The following TRPC7 variants were observed in gnomAD, a reference collection of about 807,000 sequenced individuals.
The protein encoded by TRPC7 is short transient receptor potential channel 7.
In TRPC7, 42 loss-of-function variants were observed where a neutral mutation model predicts 90.1. The ratio of observed to expected loss-of-function variants is 0.47; its 90% CI spans 0.36 to 0.60. The LOEUF is 0.60. Among genes scored for constraint, TRPC7 ranks in the 20% least tolerant of loss-of-function variants. The probability of loss-of-function intolerance (pLI) is 0.00; values close to 1 mark genes in which losing one functional copy is unlikely to be tolerated. For missense variants in TRPC7, 955 were observed against 1,112.3 expected, an observed-to-expected ratio of 0.86 and a Z score of 2.01; for synonymous variants, 451 against 436.3, an observed-to-expected ratio of 1.03 and a Z score of -0.42.
chr5:136,307,234 C>G (rs1758668088), intron 3 of TRPC7, among the ~76,000 whole-genome samples: 4 of 152,052 alleles, frequency 2.6e-5, no homozygotes, highest in Non-Finnish European at 5.9e-5. Flanking sequence ...ATCTCAAAAT[C>G]TATTCCTTCT....
chr5:136,274,709 A>T lies in TRPC7; in HGVS notation c.1092T>A (p.Phe364Leu), dbSNP rs371033656. 2.5e-6 allele frequency: 4 copies of T among 1,613,476 alleles called. No individual in the cohort carries two copies. In the African/African-American group the frequency reaches 5.3e-5, roughly 22 times the overall value. ...GAGCAATCCAATAGGCTATGGCGAG[A>T]AAAGGGAGGCCTATGGAGACTCCAA... The part of the protein sequence containing the change: ...AVFGVSIGLP[F>L]LAIAYWIAPC... Residue 364 changes from phenylalanine to leucine, a missense_variant, in exon 4 of 12, where the codon TTT (phenylalanine) becomes TTA (leucine). Transcript: ENST00000513104.
chr5:136,357,077 G>A lies in TRPC7; in HGVS notation c.311C>T (p.Ala104Val). The change falls in exon 2 of 12, where the codon GCA (alanine) becomes GTA (valine). Residue 104 changes from alanine to valine, a missense_variant. Coordinates refer to ENST00000513104, the MANE Select transcript of TRPC7 (RefSeq NM_020389.3). ...TELLLKKENLARVGDALLLAI... is the reference protein window; with the variant it reads ...TELLLKKENLVRVGDALLLAI... ...CAGCAGCAGCGCGTCCCCCACCCGTGCCAGGTTCTCCTTCTTCAGCAGCAG... is the reference window on the plus strand; with the variant it reads ...CAGCAGCAGCGCGTCCCCCACCCGTACCAGGTTCTCCTTCTTCAGCAGCAG... 3 of 1,613,894 alleles carry A rather than the reference G, an allele frequency of 1.9e-6. No homozygotes were observed. Among genetic ancestry groups the A allele is most frequent in the Non-Finnish European group, 2.5e-6 (3 of 1,179,950 alleles).
chr5:136,355,207 G>T (rs1002528284), intron 2 of TRPC7, among the ~76,000 whole-genome samples: 1 of 152,192 alleles, frequency 6.6e-6, no homozygotes, highest in African/African-American at 2.4e-5. Context: ...TATACCTTCT[G>T]CAGTGGGCAA....
intron 2 of TRPC7, among the ~76,000 whole-genome samples, chr5:136,346,851 T>A (rs1760022932): frequency 6.6e-6 from 1 of 152,144 alleles, no homozygotes; most frequent in Non-Finnish European, 1.5e-5. Context: ...CGCAGCCCAA[T>A]GCATGTCCTT....
At chr5:136,237,120 GT>G (rs1756004933) in intron 7 of TRPC7, among the ~76,000 whole-genome samples, 1 of 152,168 alleles carries the variant, frequency 6.6e-6, no homozygotes. Context: ...GTTGGACCAG[GT>G]TTGAGGATGG....
intron 1 of TRPC7, among the ~76,000 whole-genome samples, chr5:136,361,157 T>C (rs1243357504): frequency 6.6e-6 from 1 of 152,144 alleles, no homozygotes; most frequent in Non-Finnish European, 1.5e-5. Flanking sequence ...ATAAGCAAAA[T>C]GAATCTCCCT....
Position 136,239,556 on chromosome 5 carries a change from C to T in TRPC7, c.1844+7915G>A, listed in dbSNP as rs534231821. ...GGGTGCCTCAGGGTGACCTCTCCCT[C>T]GGTTTCTCTCAATATATCATTGATT... On this transcript the variant is annotated intron_variant, in intron 7 of 11. Coordinates refer to ENST00000513104, the MANE Select transcript of TRPC7 (RefSeq NM_020389.3). Among the ~76,000 whole-genome samples, 340 of 152,316 alleles carry T rather than the reference C, an allele frequency of 2.2e-3. 1 individual carries two copies. Among genetic ancestry groups the T allele is most frequent in the African/African-American group, 5.7e-3 (238 of 41,568 alleles).
chr5:136,265,656 T>C (rs1160433226), intron 5 of TRPC7, among the ~76,000 whole-genome samples: 1 of 152,288 alleles, frequency 6.6e-6, no homozygotes, highest in Middle Eastern at 3.4e-3. Flanking sequence ...ACAATTTCCT[T>C]GGCAGCTCCA....
intron 8 of TRPC7, among the ~76,000 whole-genome samples, chr5:136,228,304 G>A (rs1468964795): frequency 1.3e-5 from 2 of 151,522 alleles, no homozygotes; most frequent in South Asian, 2.1e-4. Context: ...GTGGGGGGTA[G>A]GGAATTTGTA....
rs534213165 is a variant in TRPC7, at chr5:136,310,188, G to T, written c.963+5409C>A. ...ACCACAGGGCTTTCAAACATGCTTT[G>T]AACATGTCCTTTCTATCAGAAATGC... On this transcript the variant is annotated intron_variant, in intron 3 of 11. Coordinates refer to ENST00000513104, the MANE Select transcript of TRPC7 (RefSeq NM_020389.3). Among the ~76,000 whole-genome samples the T allele has an allele frequency of 7.2e-5, 11 of 152,198 alleles. No homozygotes were observed. In the East Asian group the frequency reaches 2.1e-3, roughly 29 times the overall value.
chr5:136,325,746 G>C (rs1052053660), intron 2 of TRPC7, among the ~76,000 whole-genome samples: 1 of 151,792 alleles, frequency 6.6e-6, no homozygotes, highest in East Asian at 1.9e-4. Context: ...AAACACCAAG[G>C]TCTGGGGGCA....
At chr5:136,286,433 G>T (rs972345156) in intron 3 of TRPC7, among the ~76,000 whole-genome samples, 1 of 152,200 alleles carries the variant, frequency 6.6e-6, no homozygotes, top group Non-Finnish European at 1.5e-5. Flanking sequence ...GAAGGCAGCT[G>T]CCATACTATA....
At position 136,365,297 on chromosome 5, in the gene TRPC7, G is replaced by A; in HGVS notation, c.-43C>T. ...GGCTTGTTCCTCCTCTAGATGACCG[G>A]AATCCGGTGTTGAGTCGCCAGAAGC... On this transcript the variant is annotated 5_prime_UTR_variant, in exon 1 of 12. Coordinates refer to ENST00000513104, the MANE Select transcript of TRPC7 (RefSeq NM_020389.3). 6.5e-7 allele frequency: 1 copy of A among 1,536,912 alleles called. No homozygotes were observed. The highest frequency in any genetic ancestry group is 8.7e-7 in the Non-Finnish European group (1 of 1,146,682).
intron 5 of TRPC7, among the ~76,000 whole-genome samples, chr5:136,265,138 C>T (rs1756982354): frequency 6.6e-6 from 1 of 152,056 alleles, no homozygotes; most frequent in Admixed American, 6.5e-5. Flanking sequence ...AGTATTTGTT[C>T]TACTGTGATT....
At chr5:136,322,073 G>C (rs1294821784) in intron 2 of TRPC7, among the ~76,000 whole-genome samples, 1 of 151,832 alleles carries the variant, frequency 6.6e-6, no homozygotes, top group Non-Finnish European at 1.5e-5. Flanking sequence ...AGAGGGTACT[G>C]GCACAATCTC....
At chr5:136,288,966 C>T (rs1011776819) in intron 3 of TRPC7, among the ~76,000 whole-genome samples, 1 of 152,170 alleles carries the variant, frequency 6.6e-6, no homozygotes, top group African/African-American at 2.4e-5. Flanking sequence ...TTTGTAAACC[C>T]TCCCTAATGG....
At position 136,249,059 on chromosome 5, in the gene TRPC7, T is replaced by A. The variant is rs557588602; in HGVS notation, c.1580-1324A>T. On this transcript the variant is annotated intron_variant, in intron 6 of 11. Coordinates refer to ENST00000513104, the MANE Select transcript of TRPC7 (RefSeq NM_020389.3). The stretch of plus-strand genomic sequence containing the variant: ...GCATTGAGAAACCTAAATTAGCACT[T>A]ACACTTACATTAGCTGTAATTTTCA... Among the ~76,000 whole-genome samples, 4 of 152,352 alleles carry A rather than the reference T, an allele frequency of 2.6e-5. No individual in the cohort carries two copies. In the South Asian group the frequency reaches 8.3e-4, roughly 32 times the overall value.
At chr5:136,291,885 G>C in intron 3 of TRPC7, among the ~76,000 whole-genome samples, 1 of 151,960 alleles carries the variant, frequency 6.6e-6, no homozygotes. Context: ...TGACCACATA[G>C]TTGGAAGTAA....
At chr5:136,230,901 G>C (rs556546666) in intron 8 of TRPC7, among the ~76,000 whole-genome samples, 12 of 152,198 alleles carry the variant, frequency 7.9e-5, no homozygotes, top group Non-Finnish European at 1.6e-4. Flanking sequence ...TGCCCTGTAT[G>C]ATCTCCTCAC....
Sources: gnomAD v4.1 joint callset for allele counts (sites outside exome capture counted in the v4.1 genomes callset) on GRCh38, gnomAD v4.1.1 for gene constraint, MANE v1.5 for transcripts, NCBI Gene and HGNC (gene_info 2026-07-23, HGNC 2026-07-21) for gene names.